Variants in PTPRS observed in about 807,000 individuals in gnomAD.
PTPRS encodes receptor-type tyrosine-protein phosphatase S.
In PTPRS, 63 loss-of-function variants were observed where a neutral mutation model predicts 215.3. The observed-to-expected ratio is 0.29, with a 90% confidence interval of 0.24 to 0.36. The LOEUF (loss-of-function observed/expected upper bound fraction) is 0.36, where lower values mean the gene tolerates loss of function less well. Among genes scored for constraint, PTPRS ranks in the 10% least tolerant of loss-of-function variants. PTPRS has a pLI of 1.00. For missense variants in PTPRS, 2,258 were observed against 2,825.8 expected (o/e 0.80, Z 4.56); for synonymous variants, 1,404 against 1,191.4 (o/e 1.18, Z -3.68).
intron 16 of PTPRS, among the ~76,000 whole-genome samples, chr19:5,228,739 C>T (rs1222916143): frequency 6.6e-6 from 1 of 152,198 alleles, no homozygotes; most frequent in African/African-American, 2.4e-5. Flanking sequence ...AGAGAGGTAG[C>T]AACTTGCCCC....
In PTPRS at chr19:5,257,931, G is replaced by A. The variant is rs1226024949; in HGVS notation, c.706+86C>T. The A allele has an allele frequency of 3.3e-6, 4 of 1,198,776 alleles. No homozygotes were observed. Among genetic ancestry groups the A allele is most frequent in the Non-Finnish European group, 4.8e-6 (4 of 833,702 alleles). 74.3% of individuals were successfully genotyped at this position (1,198,776 alleles called of 1,614,324 possible). A position where few individuals can be genotyped will look rare whatever the true frequency, so the allele number is the denominator to read the frequency against. ...TCCTGCTTGGGTGTGCAGGGGACGGGGGAGCCCGGAGGCGGTGAGCCCGAG... is the reference window on the plus strand; with the variant it reads ...TCCTGCTTGGGTGTGCAGGGGACGGAGGAGCCCGGAGGCGGTGAGCCCGAG... On this transcript the variant is annotated intron_variant, in intron 8 of 37. Coordinates refer to ENST00000262963, the MANE Select transcript of PTPRS (RefSeq NM_002850.4). This position sits in a 1 kb window ranked among gnomAD's most constrained non-coding sequence, Gnocchi z 4.4.
intron 14 of PTPRS, 81 bp from the exon 15 acceptor site, chr19:5,229,765 C>CG: frequency 1.1e-6 from 1 of 896,954 alleles, no homozygotes; most frequent in South Asian, 5.1e-5. Context: ...TGCCACTGTC[C>CG]GATTCCAGGA....
chr19:5,240,067 G>GCAGA, intron 12 of PTPRS, 132 bp downstream of exon 12: 2 of 1,096,578 alleles, frequency 1.8e-6, no homozygotes, highest in Non-Finnish European at 2.4e-6. Context: ...CGCAGGAGAA[G>GCAGA]CAGAAGGGGT....
At chr19:5,298,390 G>A (rs1234816767) in intron 1 of PTPRS, among the ~76,000 whole-genome samples, 1 of 152,188 alleles carries the variant, frequency 6.6e-6, no homozygotes, top group Non-Finnish European at 1.5e-5. Context: ...GACCGGGGCA[G>A]GACCCCCTCC....
At chr19:5,335,990 G>A (rs1347038476) in intron 1 of PTPRS, among the ~76,000 whole-genome samples, 18 of 151,510 alleles carry the variant, frequency 1.2e-4, no homozygotes, top group Non-Finnish European at 1.8e-4. Flanking sequence ...TTGGGGGACC[G>A]GCAGCTCCAT....
At chr19:5,255,979 C>A in intron 9 of PTPRS, 129 bp downstream of exon 9, 1 of 627,408 alleles carries the variant, frequency 1.6e-6, no homozygotes, top group Non-Finnish European at 2.5e-6. Context: ...GTTCATTTTT[C>A]TATTTTTTTT....
At chr19:5,231,778 T>G (rs2043037980) in intron 13 of PTPRS, among the ~76,000 whole-genome samples, 163 bp from the exon 14 acceptor site, 1 of 132,060 alleles carries the variant, frequency 7.6e-6, no homozygotes, top group African/African-American at 2.8e-5. Flanking sequence ...GAAGTGGGTG[T>G]CAACCAAAGG....
chr19:5,215,747 CAG>C (rs2041377677), intron 26 of PTPRS, 152 bp from the exon 27 acceptor site: 1 of 634,480 alleles, frequency 1.6e-6, no homozygotes, highest in East Asian at 2.7e-5. Flanking sequence ...GGGGAAGACT[CAG>C]GGTGGCTCAT....
intron 11 of PTPRS, among the ~76,000 whole-genome samples, chr19:5,240,666 C>T (rs1022792364): frequency 1.3e-5 from 2 of 151,450 alleles, no homozygotes; most frequent in East Asian, 4.0e-4. Flanking sequence ...GGTGAAACCT[C>T]GTCTCTACTA....
chr19:5,213,546 T>C (rs1599379025), intron 30 of PTPRS, among the ~76,000 whole-genome samples: 1 of 152,366 alleles, frequency 6.6e-6, no homozygotes, highest in African/African-American at 2.4e-5. Flanking sequence ...CTGTGTCTTG[T>C]CTACTAGACT....
intron 17 of PTPRS, among the ~76,000 whole-genome samples, chr19:5,223,507 C>T (rs1034301198): frequency 4.0e-5 from 6 of 151,792 alleles, no homozygotes; most frequent in Non-Finnish European, 8.8e-5. Flanking sequence ...CTTCCTGCCT[C>T]GGCCTCCCAA....
At position 5,303,950 on chromosome 19, in the gene PTPRS, C is replaced by CAAAAAAA. The variant is rs1555805672; in HGVS notation, c.-94-17717_-94-17716insTTTTTTT. Among the ~76,000 whole-genome samples the CAAAAAAA allele has an allele frequency of 5.2e-5, 5 of 95,710 alleles. 1 individual carries two copies. The highest frequency in any genetic ancestry group is 5.4e-4 in the South Asian group (2 of 3,700). 62.8% of individuals were successfully genotyped at this position (95,710 alleles called of 152,430 possible). A position where few individuals can be genotyped will look rare whatever the true frequency, so the allele number is the denominator to read the frequency against. ...TGGGTGACACAGCGAGACTCTGTCT[C>CAAAAAAA]AAAAAATAATAATAACAATAAAATA... is the stretch of plus-strand genomic sequence containing the variant. On this transcript the variant is annotated intron_variant, in intron 1 of 37. Coordinates refer to ENST00000262963, the MANE Select transcript of PTPRS (RefSeq NM_002850.4).
rs756914448 is a variant in PTPRS at position 5,340,119 on chromosome 19, CCCTGGAGCCACCCCG to C, written c.-95+530_-95+544del. ...AGAGGGAAGGCGGCGGGCGCAGCAGCCCTGGAGCCACCCCGCCTGGAGCCACCCGTCCCGGCTCCT... is the reference window on the plus strand; with the variant it reads ...AGAGGGAAGGCGGCGGGCGCAGCAGCCCTGGAGCCACCCGTCCCGGCTCCT... On this transcript the variant is annotated intron_variant, in intron 1 of 37. Coordinates refer to ENST00000262963, the MANE Select transcript of PTPRS (RefSeq NM_002850.4). 4.2e-3 allele frequency among the ~76,000 whole-genome samples: 631 copies of C among 151,798 alleles called. 1 individual carries two copies. Among genetic ancestry groups the C allele is most frequent in the Non-Finnish European group, 6.8e-3 (460 of 67,804 alleles).
Position 5,244,271 on chromosome 19 carries a change from G to C in PTPRS, c.1200C>G (p.Ile400Met). ...CGATGGAGTTGACGGCCGACACCCA[G>C]ATCTCGTACTCCGAGTTGGGGCTCA... is the stretch of plus-strand genomic sequence containing the variant. ...GGLSPNSEYE[I>M]WVSAVNSIGQ... Residue 400 changes from isoleucine to methionine, a missense_variant, in exon 11 of 38, where the codon ATC (isoleucine) becomes ATG (methionine). Coordinates refer to ENST00000262963, the MANE Select transcript of PTPRS (RefSeq NM_002850.4). The surrounding 1 kb of genome is among the most constrained non-coding windows in gnomAD (Gnocchi z 7.2). The C allele has an allele frequency of 6.2e-7, 1 of 1,614,222 alleles. No individual in the cohort carries two copies. The highest frequency in any genetic ancestry group is 1.1e-5 in the South Asian group (1 of 91,084).
rs769414364 is a variant in PTPRS, at chr19:5,222,756, G to T, written c.3036C>A (p.Ala1012=). 3 of 1,598,792 alleles carry T rather than the reference G, an allele frequency of 1.9e-6. No individual in the cohort carries two copies. Among genetic ancestry groups the T allele is most frequent in the African/African-American group, 2.7e-5 (2 of 74,748 alleles). The change falls in exon 18 of 38, where the codon GCC becomes GCA. Residue 1012 remains alanine (A), a synonymous_variant. Transcript: ENST00000262963. The part of the protein sequence containing the change: ...PDTAYDLQVR[A]HTRRGPGPFS... ...AGGGGCCAGGGCCCCGGCGCGTGTG[G>T]GCTCGCACTTGGAGGTCATAGGCCG...
At chr19:5,221,310 C>T in intron 19 of PTPRS, 57 bp from the exon 20 acceptor site, 1 of 1,557,762 alleles carries the variant, frequency 6.4e-7, no homozygotes, top group South Asian at 1.2e-5. Context: ...TGGACTGAGC[C>T]CCAGCTCCAG....
At chr19:5,309,676 G>A (rs532032272) in intron 1 of PTPRS, among the ~76,000 whole-genome samples, 1 of 152,218 alleles carries the variant, frequency 6.6e-6, no homozygotes, top group Non-Finnish European at 1.5e-5. Context: ...CGATGTTCAG[G>A]ACAGAGGCCT....
intron 19 of PTPRS, 108 bp downstream of exon 19, chr19:5,222,015 G>A (rs1383742120): frequency 1.2e-6 from 1 of 867,764 alleles, no homozygotes; most frequent in Non-Finnish European, 1.9e-6. Context: ...ATCTCTGACT[G>A]AGCCCTGATC....
intron 2 of PTPRS, among the ~76,000 whole-genome samples, chr19:5,279,574 T>C (rs2047680129): frequency 1.3e-5 from 2 of 152,142 alleles, no homozygotes; most frequent in African/African-American, 4.8e-5. Context: ...TCTCGCTATG[T>C]TTCCCAGGCT....
Sources: allele counts gnomAD v4.1 joint callset (sites outside exome capture counted in the v4.1 genomes callset), GRCh38; gene constraint gnomAD v4.1.1; non-coding constraint Gnocchi (gnomAD v3.1); transcripts MANE v1.5; gene names NCBI Gene and HGNC (gene_info 2026-07-23, HGNC 2026-07-21).